The following DPP10 variants were observed in gnomAD, a reference collection of about 807,000 sequenced individuals.
DPP10 encodes inactive dipeptidyl peptidase 10.
A neutral mutation model predicts 120.9 loss-of-function variants in DPP10; 33 were observed. That is an observed-to-expected ratio of 0.27 (90% confidence interval 0.21 to 0.37). The LOEUF (loss-of-function observed/expected upper bound fraction) is 0.37. Ranked by LOEUF, DPP10 falls within the 10% of genes least tolerant of loss-of-function variation. The pLI is 1.00. For synonymous variants in DPP10, 337 were observed against 326.1 expected (o/e 1.03, Z -0.36); for missense variants, 816 against 942.8 (o/e 0.87, Z 1.76).
chr2:115,570,350 A>G (rs2081266361), intron 5 of DPP10, among the ~76,000 whole-genome samples: 1 of 152,244 alleles, frequency 6.6e-6, no homozygotes. Flanking sequence ...TCCCCATTTA[A>G]CTTAATCACC....
At chr2:115,088,768 A>AAAAAAAAAAACAAAAAAC (rs775985067) in intron 1 of DPP10, among the ~76,000 whole-genome samples, 1 of 134,830 alleles carries the variant, frequency 7.4e-6, no homozygotes, top group Non-Finnish European at 1.6e-5. Flanking sequence ...AAAAAAAAAA[A>AAAAAAAAAAACAAAAAAC]ACCAAAAAAC....
At chr2:115,056,119 T>C (rs1426917009) in intron 1 of DPP10, among the ~76,000 whole-genome samples, 2 of 152,238 alleles carry the variant, frequency 1.3e-5, no homozygotes. Context: ...TGTTTCTGTA[T>C]ATGACTGTCT....
chr2:115,157,260 A>T (rs183401606), intron 1 of DPP10, among the ~76,000 whole-genome samples: 1 of 151,672 alleles, frequency 6.6e-6, no homozygotes, highest in Non-Finnish European at 1.5e-5. Flanking sequence ...AAAAAAAAAA[A>T]AGAGAGATTT....
At chr2:115,790,746 A>C (rs1448051631) in intron 17 of DPP10, among the ~76,000 whole-genome samples, 1 of 152,080 alleles carries the variant, frequency 6.6e-6, no homozygotes, top group African/African-American at 2.4e-5. Flanking sequence ...TATCCCTTTT[A>C]ATTGGTATAG....
At chr2:115,399,298 G>T (rs1329109343) in intron 3 of DPP10, among the ~76,000 whole-genome samples, 2 of 152,034 alleles carry the variant, frequency 1.3e-5, no homozygotes, top group East Asian at 3.9e-4. Flanking sequence ...AATTATTTCT[G>T]TTTCTTTTTG....
Position 114,604,511 on chromosome 2 carries a change from T to C in DPP10, c.60+161673T>C, listed in dbSNP as rs115587390. 2.8e-3 allele frequency among the ~76,000 whole-genome samples: 420 copies of C among 152,180 alleles called. 1 individual carries two copies. Among genetic ancestry groups the C allele is most frequent in the African/African-American group, 9.6e-3 (399 of 41,534 alleles). On this transcript the variant is annotated intron_variant, in intron 1 of 25. Transcript: ENST00000410059. ...AGATACCTTTAGGCAATGAACAATC[T>C]ACCAAACCATGGATGGCTTCCCTGC...
chr2:115,434,943 A>G (rs1346717599), intron 3 of DPP10, among the ~76,000 whole-genome samples: 2 of 151,504 alleles, frequency 1.3e-5, no homozygotes, highest in African/African-American at 2.4e-5. Context: ...TCCTTATGAG[A>G]TTAGTTAATT....
intron 3 of DPP10, among the ~76,000 whole-genome samples, chr2:115,393,022 A>G (rs1006032005): frequency 6.6e-6 from 1 of 152,128 alleles, no homozygotes; most frequent in African/African-American, 2.4e-5. Flanking sequence ...TAAAAAGTAT[A>G]TGTGAATAGG....
intron 1 of DPP10, among the ~76,000 whole-genome samples, chr2:114,946,552 A>G (rs1191808659): frequency 1.3e-5 from 2 of 152,116 alleles, no homozygotes; most frequent in Non-Finnish European, 1.5e-5. Context: ...AATATCCCCT[A>G]TTCATGTAAT....
intron 7 of DPP10, among the ~76,000 whole-genome samples, chr2:115,723,995 G>A (rs538469618): frequency 9.2e-5 from 14 of 152,190 alleles, no homozygotes; most frequent in Admixed American, 4.6e-4. Context: ...GCAGAATAGC[G>A]TTTCAGTAAT....
intron 1 of DPP10, among the ~76,000 whole-genome samples, chr2:115,231,695 G>A (rs942361183): frequency 6.6e-5 from 10 of 152,132 alleles, no homozygotes; most frequent in African/African-American, 1.9e-4. Context: ...TGTAACAAGC[G>A]TTAGCCCCCA....
intron 4 of DPP10, among the ~76,000 whole-genome samples, chr2:115,502,942 ATCC>A (rs2076759703): frequency 6.6e-6 from 1 of 151,770 alleles, no homozygotes; most frequent in Non-Finnish European, 1.5e-5. Flanking sequence ...TCCTCAAGTG[ATCC>A]TCCTCTGGTG....
intron 5 of DPP10, among the ~76,000 whole-genome samples, chr2:115,651,844 G>C (rs1444952556): frequency 6.6e-6 from 1 of 152,054 alleles, no homozygotes; most frequent in African/African-American, 2.4e-5. Context: ...TTTACCAACA[G>C]TGACATGCTT....
intron 8 of DPP10, among the ~76,000 whole-genome samples, chr2:115,731,480 C>G (rs761395854): frequency 6.6e-6 from 1 of 152,060 alleles, no homozygotes; most frequent in East Asian, 1.9e-4. Flanking sequence ...GAGCCAAGAT[C>G]ATGCCACTGC....
chr2:115,309,200 G>T (rs1236078660), intron 1 of DPP10, 39 bp from the exon 2 acceptor site: 2 of 1,501,042 alleles, frequency 1.3e-6, no homozygotes, highest in Non-Finnish European at 1.8e-6. Flanking sequence ...TTCTCTTGGA[G>T]CATGAATAAT....
At chr2:114,500,964 C>A (rs1055240091) in intron 1 of DPP10, among the ~76,000 whole-genome samples, 1 of 152,298 alleles carries the variant, frequency 6.6e-6, no homozygotes, top group East Asian at 1.9e-4. Flanking sequence ...GGAACACTTT[C>A]CATGCACTTC....
chr2:115,156,752 A>G (rs957220644), intron 1 of DPP10, among the ~76,000 whole-genome samples: 5 of 152,226 alleles, frequency 3.3e-5, no homozygotes, highest in Admixed American at 6.5e-5. Context: ...ATTCAAAGAA[A>G]TTTATTCATC....
chr2:115,481,494 A>G (rs965696312), intron 3 of DPP10, among the ~76,000 whole-genome samples: 1 of 152,130 alleles, frequency 6.6e-6, no homozygotes, highest in Non-Finnish European at 1.5e-5. Context: ...ATCGTAATTC[A>G]GGAGTTTTAG....
At chr2:115,800,792 A>G (rs148333430) in intron 19 of DPP10, among the ~76,000 whole-genome samples, 5,723 of 152,166 alleles carry the variant, frequency 0.038, 372 homozygotes, top group African/African-American at 0.13. Flanking sequence ...CCATTGGTCT[A>G]TATCTCTGTT....
Sources: allele counts gnomAD v4.1 joint callset (sites outside exome capture counted in the v4.1 genomes callset), GRCh38; gene constraint gnomAD v4.1.1; transcripts MANE v1.5; gene names NCBI Gene and HGNC (gene_info 2026-07-23, HGNC 2026-07-21).